ZNF44: variants seen among roughly 807,000 people sequenced by gnomAD.
ZNF44 encodes zinc finger protein 44.
A neutral mutation model predicts 11.7 loss-of-function variants in ZNF44; 9 were observed. That is an observed-to-expected ratio of 0.77 (90% CI 0.46 to 1.35). The LOEUF (loss-of-function observed/expected upper bound fraction) is 1.35. Ranked by LOEUF, ZNF44 falls within the 40% of genes most tolerant of loss-of-function variation. The pLI, the probability that ZNF44 is intolerant of heterozygous loss-of-function variation, is 0.00. For synonymous variants in ZNF44, 224 were observed against 242.7 expected (o/e 0.92, Z 0.72); for missense variants, 696 against 743.1 (o/e 0.94, Z 0.74).
intron 5 of ZNF44, among the ~76,000 whole-genome samples, chr19:12,265,858 G>T (rs1050044200): frequency 1.3e-5 from 2 of 152,174 alleles, no homozygotes; most frequent in African/African-American, 4.8e-5. Context: ...TAGAAACTGC[G>T]ACTTTATGGT....
In ZNF44 at chr19:12,231,114, C is replaced by CG. The variant is rs567320593; in HGVS notation, n.381-600dup. 9.9e-5 allele frequency among the ~76,000 whole-genome samples: 15 copies of CG among 151,756 alleles called. No individual in the cohort carries two copies. The South Asian group carries it at 3.1e-3, about 31-fold the overall frequency. On this transcript the variant is annotated intron_variant and non_coding_transcript_variant, in intron 2 of 3. Transcript: ENST00000597563. ...TGTCCACGATGGTGATGCTTCTACT[C>CG]GGTCACCCAGCCTCTAGTCAAAGGC... is the stretch of plus-strand genomic sequence containing the variant.
At position 12,292,345 on chromosome 19, in the gene ZNF44, A is replaced by T. The variant is rs762645101; in HGVS notation, c.3+2347T>A. Among the ~76,000 whole-genome samples the T allele has an allele frequency of 2.0e-5, 3 of 151,136 alleles. 1 individual carries two copies. The highest frequency in any genetic ancestry group is 4.5e-5 in the Non-Finnish European group (3 of 67,256). On this transcript the variant is annotated intron_variant, in intron 1 of 3. Transcript: ENST00000355684. ...AAAATAATAAAAAAAAGGAATAGAA[A>T]ACTACATATATATAATTTGTTTTCT...
In ZNF44 at chr19:12,273,149, T is replaced by C; in HGVS notation, c.1106A>G (p.Gln369Arg). 1 of 1,613,854 alleles carries C rather than the reference T, an allele frequency of 6.2e-7. No homozygotes were observed. The highest frequency in any genetic ancestry group is 8.5e-7 in the Non-Finnish European group (1 of 1,179,722). ...GCGATGAGATAACAATTTCCCACATTGCTTACATTCATAGGGTTTCTCTAG... is the reference window on the plus strand; with the variant it reads ...GCGATGAGATAACAATTTCCCACATCGCTTACATTCATAGGGTTTCTCTAG... ...HTLEKPYECK[Q>R]CGKLLSHRSS... is the part of the protein sequence containing the mutation. Residue 369 changes from glutamine to arginine, a missense_variant, in exon 4 of 4, where the codon CAA (glutamine) becomes CGA (arginine). Gln to Arg is a conservative substitution (Grantham distance 43). Coordinates refer to ENST00000355684, the MANE Select transcript of ZNF44 (RefSeq NM_016264.4).
chr19:12,255,906 C>T (rs557033174), intron 5 of ZNF44, among the ~76,000 whole-genome samples: 51 of 151,736 alleles, frequency 3.4e-4, no homozygotes, highest in Non-Finnish European at 5.6e-4. Context: ...CGTGGTGACA[C>T]GTGCCTGTAA....
rs780856263 is a variant in ZNF44, at chr19:12,273,819, A to G, written c.436T>C (p.Cys146Arg). 8.1e-6 allele frequency: 13 copies of G among 1,613,998 alleles called. No homozygotes were observed. In the South Asian group the frequency reaches 8.8e-5, roughly 11 times the overall value. Residue 146 changes from cysteine (C) to arginine (R), a missense_variant, in exon 4 of 4, where the codon TGT becomes CGT. By Grantham distance (180) the Cys-to-Arg change is radical (BLOSUM62 -3). Coordinates refer to ENST00000355684, the MANE Select transcript of ZNF44 (RefSeq NM_016264.4). ...YAEKSYTHKQCGKGLSYRHSF... is the reference protein window; with the variant it reads ...YAEKSYTHKQRGKGLSYRHSF... ...TGGCGATAACTTAAGCCTTTCCCAC[A>G]CTGCTTATGTGTATATGACTTCTCT...
chr19:12,253,116 T>TGACCTTAG (rs1917088472), intron 5 of ZNF44, among the ~76,000 whole-genome samples: 2 of 151,576 alleles, frequency 1.3e-5, no homozygotes, highest in East Asian at 3.9e-4. Context: ...CTCGAACTCC[T>TGACCTTAG]GACCTTAGGT....
At position 12,247,676 on chromosome 19, in the gene ZNF44, A is replaced by G. The variant is rs754167491; in HGVS notation, c.*1189T>C. On this transcript the variant is annotated 3_prime_UTR_variant and NMD_transcript_variant, in exon 8 of 8. Transcript: ENST00000393337. ...AACTGCAACAATAAAAGGCTTTCCCACATTCCTTACATTTGTAGGGTTTCT... is the reference window on the plus strand; with the variant it reads ...AACTGCAACAATAAAAGGCTTTCCCGCATTCCTTACATTTGTAGGGTTTCT... 10 of 1,352,838 alleles carry G rather than the reference A, an allele frequency of 7.4e-6. No individual in the cohort carries two copies. In the Admixed American group the frequency reaches 1.2e-4, roughly 16 times the overall value. 83.8% of individuals were successfully genotyped at this position (1,352,838 alleles called of 1,614,324 possible).
intron 1 of ZNF44, among the ~76,000 whole-genome samples, chr19:12,235,838 G>T (rs1164839715): frequency 1.3e-5 from 2 of 152,144 alleles, no homozygotes; most frequent in African/African-American, 4.8e-5. Flanking sequence ...ACCCCAGGAA[G>T]TTCTAAAACC....
chr19:12,291,687 A>G (rs1487293208), intron 1 of ZNF44, among the ~76,000 whole-genome samples: 1 of 151,678 alleles, frequency 6.6e-6, no homozygotes, highest in Non-Finnish European at 1.5e-5. Context: ...GAGGGAGACC[A>G]TGTCTCAAAA....
upstream of ZNF44, among the ~76,000 whole-genome samples, chr19:12,241,969 C>T (rs1456887647): frequency 6.6e-6 from 1 of 152,080 alleles, no homozygotes; most frequent in Non-Finnish European, 1.5e-5. Flanking sequence ...CATGCTTCTA[C>T]TTACATGACG....
intron 5 of ZNF44, among the ~76,000 whole-genome samples, chr19:12,250,997 G>A (rs192767749): frequency 1.6e-4 from 25 of 152,010 alleles, no homozygotes; most frequent in African/African-American, 5.3e-4. Flanking sequence ...AGGCCGAGGC[G>A]GGCAGATTAT....
downstream of ZNF44, among the ~76,000 whole-genome samples, chr19:12,268,145 G>GACACCACACACAC (rs1917801974): frequency 7.3e-6 from 1 of 136,750 alleles, no homozygotes; most frequent in African/African-American, 2.8e-5. Flanking sequence ...CACACACACA[G>GACACCACACACAC]ACACACACAC....
intron 1 of ZNF44, among the ~76,000 whole-genome samples, chr19:12,289,345 CTA>C (rs1568458824): frequency 6.6e-6 from 1 of 152,000 alleles, no homozygotes; most frequent in Non-Finnish European, 1.5e-5. Flanking sequence ...AGAAAGGAAA[CTA>C]TTTAAGTTTC....
In ZNF44 at chr19:12,273,671, C is replaced by A. The variant is rs774786311; in HGVS notation, c.584G>T (p.Gly195Val). 3 of 1,614,158 alleles carry A rather than the reference C, an allele frequency of 1.9e-6. No homozygotes were observed. In the South Asian group the frequency reaches 3.3e-5, roughly 18 times the overall value. The change falls in exon 4 of 4, where the codon GGA becomes GTA. Residue 195 changes from glycine (G) to valine (V), a missense_variant. Gly to Val is a moderately radical substitution (Grantham distance 109, BLOSUM62 -3). Coordinates refer to ENST00000355684, the MANE Select transcript of ZNF44 (RefSeq NM_016264.4). ...CCCACACAATTCACATTTATAAGGT[C>A]CATCTCCACCTTTTACTACCATATG... ...RRHMVVKGGD[G>V]PYKCELCGKA...
intron 3 of ZNF44, among the ~76,000 whole-genome samples, chr19:12,274,266 CTTTTTTTTTTTTT>C (rs869093549): frequency 1.1e-5 from 1 of 90,204 alleles, no homozygotes; most frequent in Non-Finnish European, 2.1e-5. Flanking sequence ...ATTCTTAATT[CTTTTTTTTTTTTT>C]TTTTTTTTTT....
intron 1 of ZNF44, chr19:12,276,299 T>A: frequency 6.3e-6 from 4 of 634,102 alleles, no homozygotes; most frequent in Non-Finnish European, 1.1e-5. Flanking sequence ...TAGGAACATA[T>A]CTCTTATTGG....
chr19:12,284,348 C>T (rs1473129220), intron 1 of ZNF44: 6 of 538,860 alleles, frequency 1.1e-5, no homozygotes, highest in African/African-American at 1.9e-5. Flanking sequence ...TGGCTGATGA[C>T]GCAGGTGCAG....
chr19:12,250,292 T>G, exon 6 of ZNF44: 1 of 1,366,698 alleles, frequency 7.3e-7, no homozygotes, highest in Non-Finnish European at 9.8e-7. Context: ...TCTGTAGAGT[T>G]TTTTCTGTGA....
At chr19:12,283,532 T>C (rs1967580556) in intron 1 of ZNF44, among the ~76,000 whole-genome samples, 2 of 152,142 alleles carry the variant, frequency 1.3e-5, no homozygotes, top group African/African-American at 2.4e-5. Flanking sequence ...GGTTTCACCG[T>C]ATTAGCCAGG....
Sources: gnomAD v4.1 joint callset for allele counts (sites outside exome capture counted in the v4.1 genomes callset) on GRCh38, gnomAD v4.1.1 for gene constraint, MANE v1.5 for transcripts, NCBI Gene and HGNC (gene_info 2026-07-23, HGNC 2026-07-21) for gene names.